Variants in WDR75 observed in about 807,000 individuals in gnomAD.
WDR75 encodes WD repeat-containing protein 75.
In WDR75, 52 loss-of-function variants were observed where a neutral mutation model predicts 106.1. The observed-to-expected ratio is 0.49, with a 90% CI of 0.39 to 0.62. The LOEUF (loss-of-function observed/expected upper bound fraction) is 0.62, where lower values mean the gene tolerates loss of function less well. Ranked by LOEUF, WDR75 falls within the 20% of genes least tolerant of loss-of-function variation. The pLI, the probability that WDR75 is intolerant of heterozygous loss-of-function variation, is 0.00. For missense variants in WDR75, 905 were observed against 970.3 expected, an observed-to-expected ratio of 0.93 and a Z score of 0.89; for synonymous variants, 333 against 335.5, an observed-to-expected ratio of 0.99 and a Z score of 0.08.
intron 1 of WDR75, among the ~76,000 whole-genome samples, chr2:189,445,864 A>G (rs1029725998): frequency 6.6e-6 from 1 of 152,252 alleles, no homozygotes; most frequent in African/African-American, 2.4e-5. Context: ...AACGTGTTCT[A>G]TGTAGATAGC....
Position 189,459,339 on chromosome 2 carries a change from G to A in WDR75, c.693G>A (p.Arg231=). The A allele has an allele frequency of 5.6e-6, 9 of 1,605,750 alleles. No individual in the cohort carries two copies. Among genetic ancestry groups the A allele is most frequent in the Non-Finnish European group, 7.6e-6 (9 of 1,177,708 alleles). ...GHMDGKIRLW[R]NFYDDKKYTY... Reference sequence around the variant, plus strand: ...GAGTTTTATCTTTCTCCAATAGGAGGAATTTTTATGATGATAAGAAATATA... The same window carrying A: ...GAGTTTTATCTTTCTCCAATAGGAGAAATTTTTATGATGATAAGAAATATA... The change falls in exon 8 of 21, where the codon AGG becomes AGA. Residue 231 remains arginine (R), a synonymous_variant. Transcript: ENST00000314761.
Position 189,474,314 on chromosome 2 carries a change from C to T in WDR75, c.2178C>T (p.Asn726=). The T allele has an allele frequency of 1.2e-6, 2 of 1,610,294 alleles. No individual in the cohort carries two copies. The highest frequency in any genetic ancestry group is 1.7e-6 in the Non-Finnish European group (2 of 1,178,922). ...NELVQLPLTE[N]IPAISELLHT... is the part of the protein sequence containing the mutation. ...TGGTACAACTACCCTTAACAGAAAA[C>T]ATACCCGCAATTAGTGAGGTAAGTA... is the stretch of plus-strand genomic sequence containing the variant. Residue 726 remains asparagine, a synonymous_variant, in exon 19 of 21, where the codon AAC becomes AAT. Transcript: ENST00000314761.
chr2:189,470,239 A>G lies in WDR75; in HGVS notation c.1983A>G (p.Lys661=). The change falls in exon 17 of 21, where the codon AAA becomes AAG. Residue 661 remains lysine (K), a synonymous_variant. Coordinates refer to ENST00000314761, the MANE Select transcript of WDR75 (RefSeq NM_032168.3). The part of the protein sequence containing the change: ...LNRSQFYFLT[K]SQSLLTFSTK... ...GATCCCAGTTTTACTTCCTAACAAA[A>G]TCACAGGTAACTGCCTCCCTCAAAA... 1 of 1,610,498 alleles carries G rather than the reference A, an allele frequency of 6.2e-7. No homozygotes were observed. The highest frequency in any genetic ancestry group is 8.5e-7 in the Non-Finnish European group (1 of 1,178,320).
At position 189,470,061 on chromosome 2, in the gene WDR75, G is replaced by GT. The variant is rs747447221; in HGVS notation, c.1820-9dup. On this transcript the variant is annotated splice_polypyrimidine_tract_variant and intron_variant, in intron 16 of 20. Transcript: ENST00000314761. The stretch of plus-strand genomic sequence containing the variant: ...TCAGGCAAAATGTTATTGTTTCTTT[G>GT]TTTTTTCCCTCTAGTGTTTGTATTT... 3 of 1,605,948 alleles carry GT rather than the reference G, an allele frequency of 1.9e-6. No homozygotes were observed. The highest frequency in any genetic ancestry group is 1.3e-5 in the African/African-American group (1 of 74,546).
intron 2 of WDR75, 177 bp downstream of exon 2, chr2:189,448,685 T>A: frequency 2.5e-6 from 2 of 790,772 alleles, no homozygotes; most frequent in Non-Finnish European, 4.2e-6. Context: ...CTGTGAACCA[T>A]TTGTTCCACA....
chr2:189,448,935 A>G, intron 2 of WDR75: 1 of 464,462 alleles, frequency 2.2e-6, no homozygotes. Flanking sequence ...TTGATTTGGT[A>G]GATATGTTCC....
At chr2:189,450,626 A>G in intron 2 of WDR75, 1 of 1,221,592 alleles carries the variant, frequency 8.2e-7, no homozygotes, top group Non-Finnish European at 1.0e-6. Context: ...TGCTTTTCAT[A>G]TCTCATTCAA....
chr2:189,450,388 T>TCACTCTGTCTCC, intron 2 of WDR75: 1 of 970,048 alleles, frequency 1.0e-6, no homozygotes, highest in Non-Finnish European at 1.2e-6. Context: ...CTGGAGAGTC[T>TCACTCTGTCTCC]CACTCTGTCT....
Position 189,457,312 on chromosome 2 carries a change from G to T in WDR75, c.500G>T (p.Gly167Val). 1.9e-6 allele frequency: 3 copies of T among 1,592,680 alleles called. No individual in the cohort carries two copies. ...TTTATCTTCTTTTTGAAATACTAGG[G>T]AGTATATGTTGCTGCAGTACGGGAA... is the stretch of plus-strand genomic sequence containing the variant. ...SPKCIAFGNE[G>V]VYVAAVREFY... The change falls in exon 6 of 21, where the codon GGA (glycine) becomes GTA (valine). Residue 167 changes from glycine (G) to valine (V), a missense_variant and splice_region_variant. Gly to Val is a moderately radical substitution (Grantham distance 109). Coordinates refer to ENST00000314761, the MANE Select transcript of WDR75 (RefSeq NM_032168.3).
chr2:189,474,903 C>A (rs1286982882), intron 20 of WDR75, 95 bp downstream of exon 20: 4 of 989,774 alleles, frequency 4.0e-6, no homozygotes, highest in Non-Finnish European at 6.1e-6. Context: ...CACTGTATTT[C>A]TTTTTATTTC....
chr2:189,454,538 T>G (rs1475321916), intron 4 of WDR75, among the ~76,000 whole-genome samples: 1 of 152,046 alleles, frequency 6.6e-6, no homozygotes. Flanking sequence ...GTTTTTTTTT[T>G]TGAAACAGAG....
intron 1 of WDR75, among the ~76,000 whole-genome samples, chr2:189,443,939 G>A (rs529112974): frequency 6.6e-6 from 1 of 152,274 alleles, no homozygotes; most frequent in South Asian, 2.1e-4. Flanking sequence ...AAAAGAGACA[G>A]GGTTTTAGAG....
chr2:189,458,941 C>A lies in WDR75; in HGVS notation c.689+69C>A, dbSNP rs889077175. 4 of 1,473,298 alleles carry A rather than the reference C, an allele frequency of 2.7e-6. No homozygotes were observed. The Admixed American group carries it at 7.4e-5, about 27-fold the overall frequency. The allele number at this position is 1,473,298 out of a possible 1,614,324, so 91.3% of individuals were successfully genotyped here. A position where few individuals can be genotyped will look rare whatever the true frequency, so the allele number is the denominator to read the frequency against. ...TTTACGTTAGTCCTGTAGAACAGGG[C>A]TATCTCTGGGTCCCAAGAAACAGCC... On this transcript the variant is annotated intron_variant, in intron 7 of 20. Coordinates refer to ENST00000314761, the MANE Select transcript of WDR75 (RefSeq NM_032168.3).
intron 18 of WDR75, among the ~76,000 whole-genome samples, chr2:189,473,150 G>A (rs1687148975): frequency 6.6e-6 from 1 of 152,018 alleles, no homozygotes; most frequent in African/African-American, 2.4e-5. Context: ...CTGGGAGATG[G>A]CGGTTGCAGT....
intron 1 of WDR75, among the ~76,000 whole-genome samples, chr2:189,448,119 C>T (rs1221992098): frequency 1.3e-5 from 2 of 152,180 alleles, no homozygotes; most frequent in South Asian, 2.1e-4. Context: ...TCCCCAGCCA[C>T]GTGGAACTGT....
chr2:189,469,233 A>C (rs1288951640), intron 15 of WDR75, 111 bp from the exon 16 acceptor site: 1 of 793,412 alleles, frequency 1.3e-6, no homozygotes, highest in Admixed American at 2.1e-5. Flanking sequence ...GTGTGTCTCC[A>C]TGTGTGTTAG....
intron 1 of WDR75, among the ~76,000 whole-genome samples, chr2:189,442,651 T>C (rs975491189): frequency 2.6e-5 from 4 of 152,046 alleles, no homozygotes; most frequent in African/African-American, 4.8e-5. Context: ...GGTTTCGCCA[T>C]GTTGGCCAGG....
intron 2 of WDR75, chr2:189,450,358 T>C (rs758468388): frequency 1.1e-6 from 1 of 888,288 alleles, no homozygotes; most frequent in African/African-American, 2.3e-5. Flanking sequence ...TTTTGTTTTG[T>C]TTGGTTTTGG....
chr2:189,460,228 AT>A (rs1686848595), intron 8 of WDR75, among the ~76,000 whole-genome samples: 1 of 152,136 alleles, frequency 6.6e-6, no homozygotes, highest in South Asian at 2.1e-4. Context: ...AGGAAAAGTG[AT>A]TTTTCTTTCT....
Sources: gnomAD v4.1 joint callset for allele counts (sites outside exome capture counted in the v4.1 genomes callset) on GRCh38, gnomAD v4.1.1 for gene constraint, MANE v1.5 for transcripts, NCBI Gene and HGNC (gene_info 2026-07-23, HGNC 2026-07-21) for gene names.